NRSN2: variants seen among roughly 807,000 people sequenced by gnomAD.
The protein encoded by NRSN2 is neurensin 2, also known as neurensin-2.
In NRSN2, 10 loss-of-function variants were observed where a neutral mutation model predicts 11.1. The observed-to-expected ratio is 0.90, with a 90% CI of 0.56 to 1.53. The LOEUF (loss-of-function observed/expected upper bound fraction) is 1.53, where lower values mean the gene tolerates loss of function less well. NRSN2 is among the 40% of genes most tolerant of loss of function. The pLI, the probability that NRSN2 is intolerant of heterozygous loss-of-function variation, is 0.00. For synonymous variants in NRSN2, 100 were observed against 117.0 expected, an observed-to-expected ratio of 0.86 and a Z score of 0.94; for missense variants, 260 against 273.7, an observed-to-expected ratio of 0.95 and a Z score of 0.35.
In NRSN2 at chr20:353,489, A is replaced by G. The variant is rs1474427328; in HGVS notation, c.469A>G (p.Ser157Gly). ...AGAGCCCTTGGACCCCGAAGCCGAC[A>G]GCCACGTGGAGGTCTTCGGGGATGA... ...KAEPLDPEAD[S>G]HVEVFGDEPE... is the part of the protein sequence containing the mutation. Residue 157 changes from serine to glycine, a missense_variant, in exon 5 of 5, where the codon AGC (serine) becomes GGC (glycine). Coordinates refer to ENST00000382285, the MANE Select transcript of NRSN2 (RefSeq NM_001323682.2). 1 of 1,614,196 alleles carries G rather than the reference A, an allele frequency of 6.2e-7. No homozygotes were observed. The highest frequency in any genetic ancestry group is 1.1e-5 in the South Asian group (1 of 91,084).
chr20:352,957 C>T (rs1441041485), intron 4 of NRSN2, among the ~76,000 whole-genome samples: 2 of 128,934 alleles, frequency 1.6e-5, no homozygotes, highest in Admixed American at 8.1e-5. Context: ...TGGAGGGAAA[C>T]ACAGGGTTGG....
At chr20:348,484 CGT>C (rs57559955) in intron 2 of NRSN2, 3,131 of 81,196 alleles carry the variant, frequency 0.039, 63 homozygotes, top group Middle Eastern at 0.08. Flanking sequence ...AACCTCCAAC[CGT>C]GTGTGTGTGT....
In NRSN2 at chr20:349,720, G is replaced by C; in HGVS notation, c.77G>C (p.Arg26Pro). Residue 26 changes from arginine (R) to proline (P), a missense_variant, in exon 4 of 5, where the codon CGC becomes CCC. Physicochemically the swap from Arg to Pro is moderately radical, Grantham distance 103. Coordinates refer to ENST00000382285, the MANE Select transcript of NRSN2 (RefSeq NM_001323682.2). ...GAGGATGGCAAGTGGTATGGGGTCC[G>C]CTCCTACCTGCACCTCTTCTATGAG... ...SVEDGKWYGV[R>P]SYLHLFYEDC... 6.2e-7 allele frequency: 1 copy of C among 1,613,270 alleles called. No homozygotes were observed. Among genetic ancestry groups the C allele is most frequent in the East Asian group, 2.2e-5 (1 of 44,888 alleles).
chr20:353,129 T>TGGTGAGGATCCAA (rs1307386528), intron 4 of NRSN2, 81 bp from the exon 5 acceptor site: 2 of 1,316,638 alleles, frequency 1.5e-6, no homozygotes, highest in East Asian at 4.6e-5. Flanking sequence ...CCCTTAAGTC[T>TGGTGAGGATCCAA]GGTGAGGATC....
In NRSN2 at chr20:353,992, GATC is replaced by G. The variant is rs2014205197; in HGVS notation, c.*359_*361del. On this transcript the variant is annotated 3_prime_UTR_variant, in exon 5 of 5. Coordinates refer to ENST00000382285, the MANE Select transcript of NRSN2 (RefSeq NM_001323682.2). Reference sequence around the variant, plus strand: ...CTGCCTCTCTGCCATGAGGGCTTTGGATCAGATTCCTCTTCTCGCCAGGATGAG... The same window carrying G: ...CTGCCTCTCTGCCATGAGGGCTTTGGAGATTCCTCTTCTCGCCAGGATGAG... The G allele has an allele frequency of 3.4e-6, 1 of 293,190 alleles. No individual in the cohort carries two copies. Among genetic ancestry groups the G allele is most frequent in the African/African-American group, 2.2e-5 (1 of 44,682 alleles). 18.2% of individuals were successfully genotyped at this position (293,190 alleles called of 1,614,324 possible).
In NRSN2 at chr20:347,880, G is replaced by A. The variant is rs1160948481; in HGVS notation, c.-122+368G>A. 6.6e-6 allele frequency among the ~76,000 whole-genome samples: 1 copy of A among 152,070 alleles called. No homozygotes were observed. The highest frequency in any genetic ancestry group is 1.5e-5 in the Non-Finnish European group (1 of 67,964). On this transcript the variant is annotated intron_variant, in intron 2 of 4. Transcript: ENST00000382285. This position sits in a 1 kb window ranked among gnomAD's most constrained non-coding sequence, Gnocchi z 7.0. Reference sequence around the variant, plus strand: ...TCCCATGGCAACCCTCGTCCCGGGTGCCTGCGCCCCGCCCCCCGCCCGCCA... The same window carrying A: ...TCCCATGGCAACCCTCGTCCCGGGTACCTGCGCCCCGCCCCCCGCCCGCCA...
intron 2 of NRSN2, chr20:348,263 C>T (rs2013609243): frequency 6.6e-6 from 1 of 152,532 alleles, no homozygotes; most frequent in Non-Finnish European, 1.5e-5. Context: ...GAGCCCTCCT[C>T]TCCAGACCTC....
At chr20:349,458 A>C (rs1188543147) in intron 3 of NRSN2, 95 bp downstream of exon 3, 1 of 553,990 alleles carries the variant, frequency 1.8e-6, no homozygotes, top group East Asian at 3.0e-5. Context: ...GCTCATTCGC[A>C]GTGTGCTTTG....
chr20:349,925 G>C (rs539506913), intron 4 of NRSN2, 93 bp downstream of exon 4: 19 of 1,258,814 alleles, frequency 1.5e-5, no homozygotes, highest in Non-Finnish European at 2.1e-5. Flanking sequence ...AAGAGATAGC[G>C]TAGTAGTTAG....
chr20:353,227 G>T lies in NRSN2; in HGVS notation c.207G>T (p.Gly69=), dbSNP rs34012633. 3 of 1,613,804 alleles carry T rather than the reference G, an allele frequency of 1.9e-6. No homozygotes were observed. Among genetic ancestry groups the T allele is most frequent in the Admixed American group, 3.3e-5 (2 of 59,952 alleles). The change falls in exon 5 of 5, where the codon GGG becomes GGT. Residue 69 remains glycine, a synonymous_variant. Coordinates refer to ENST00000382285, the MANE Select transcript of NRSN2 (RefSeq NM_001323682.2). ...CTCCCTAGATCAGCCTGTCCTCGGG[G>T]ACCCTGCTTCTGCTGCTGGGTGTGG... ...SLCWKISLSS[G]TLLLLLGVAA... is the part of the protein sequence containing the mutation.
In NRSN2 at chr20:349,846, A is replaced by T. The variant is rs774003410; in HGVS notation, c.189+14A>T. 2.2e-5 allele frequency: 36 copies of T among 1,605,148 alleles called. No homozygotes were observed. The highest frequency in any genetic ancestry group is 2.6e-5 in the Non-Finnish European group (31 of 1,175,046). ...CTGTGTTGGAAGGTAAGGCCAGATG[A>T]GCACCTCCCATGATTCCTCTGCCTT... On this transcript the variant is annotated intron_variant, in intron 4 of 4. Transcript: ENST00000382285.
rs572833932 is a variant in NRSN2 at position 347,922 on chromosome 20, C to T, written c.-122+410C>T. Among the ~76,000 whole-genome samples, 99 of 152,280 alleles carry T rather than the reference C, an allele frequency of 6.5e-4. No homozygotes were observed. Among genetic ancestry groups the T allele is most frequent in the Non-Finnish European group, 1.1e-3 (77 of 68,002 alleles). On this transcript the variant is annotated intron_variant, in intron 2 of 4. Coordinates refer to ENST00000382285, the MANE Select transcript of NRSN2 (RefSeq NM_001323682.2). The surrounding 1 kb of genome is among the most constrained non-coding windows in gnomAD (Gnocchi z 7.0). ...CGCCCGCCAGACCTACTCCGTGCAGCCCTGAAACGCCAGGCGGAGGGGCCA... is the reference window on the plus strand; with the variant it reads ...CGCCCGCCAGACCTACTCCGTGCAGTCCTGAAACGCCAGGCGGAGGGGCCA...
intron 2 of NRSN2, among the ~76,000 whole-genome samples, chr20:348,635 T>C (rs1038465541): frequency 4.6e-5 from 7 of 151,666 alleles, no homozygotes; most frequent in African/African-American, 1.2e-4. Context: ...CCACATCTGA[T>C]TGGAAGTGAG....
Position 353,197 on chromosome 20 carries a change from T to C in NRSN2, c.190-13T>C, listed in dbSNP as rs1219876461. The C allele has an allele frequency of 6.2e-7, 1 of 1,611,562 alleles. No homozygotes were observed. The highest frequency in any genetic ancestry group is 1.3e-5 in the African/African-American group (1 of 74,860). ...GACCCTGACTGCTTCCTGGTCTGTC[T>C]GCTTCTCCCTAGATCAGCCTGTCCT... On this transcript the variant is annotated splice_polypyrimidine_tract_variant and intron_variant, in intron 4 of 4. Coordinates refer to ENST00000382285, the MANE Select transcript of NRSN2 (RefSeq NM_001323682.2).
intron 2 of NRSN2, chr20:348,307 GTC>G (rs2013614633): frequency 6.5e-6 from 1 of 152,678 alleles, no homozygotes. Flanking sequence ...TTCGCTTTCA[GTC>G]TCTGCCTTTT....
chr20:348,780 C>A (rs1033442172), intron 2 of NRSN2, among the ~76,000 whole-genome samples: 1 of 151,142 alleles, frequency 6.6e-6, no homozygotes. Flanking sequence ...CACCTCCTGG[C>A]TTTGGTTCGG....
In NRSN2 at chr20:353,632, C is replaced by G; in HGVS notation, c.612C>G (p.Ser204=). ...SVQTIQPKRD[S] The stretch of plus-strand genomic sequence containing the variant: ...AGACTATCCAGCCCAAGAGGGACTC[C>G]TGAGCTGCCCACATGGCCTAAGATG... The change falls in exon 5 of 5, where the codon TCC becomes TCG. Residue 204 remains serine (S), a synonymous_variant. Transcript: ENST00000382285. The G allele has an allele frequency of 1.2e-6, 2 of 1,613,220 alleles. No homozygotes were observed. The highest frequency in any genetic ancestry group is 1.7e-6 in the Non-Finnish European group (2 of 1,179,752).
rs12106238 is a variant in NRSN2 at position 352,853 on chromosome 20, C to T, written c.190-357C>T. On this transcript the variant is annotated intron_variant, in intron 4 of 4. Coordinates refer to ENST00000382285, the MANE Select transcript of NRSN2 (RefSeq NM_001323682.2). ...CTGACTCAGTCCAGGGGTCTTCTCC[C>T]TGAGGAGGTGAGGTTTGAGATGAGA... Among the ~76,000 whole-genome samples the T allele has an allele frequency of 7.3e-3, 1,105 of 152,284 alleles. 15 individuals carry two copies. Among genetic ancestry groups the T allele is most frequent in the African/African-American group, 0.026 (1,070 of 41,540 alleles).
At chr20:352,736 A>G (rs1268234941) in intron 4 of NRSN2, among the ~76,000 whole-genome samples, 1 of 152,218 alleles carries the variant, frequency 6.6e-6, no homozygotes, top group East Asian at 1.9e-4. Context: ...GACGTCACTT[A>G]CATAGCAACC....
Sources: gnomAD v4.1 joint callset for allele counts (sites outside exome capture counted in the v4.1 genomes callset) on GRCh38, gnomAD v4.1.1 for gene constraint, Gnocchi (gnomAD v3.1) non-coding constraint, MANE v1.5 for transcripts, NCBI Gene and HGNC (gene_info 2026-07-23, HGNC 2026-07-21) for gene names.